The following MTSS1 variants were observed in gnomAD, a reference collection of about 807,000 sequenced individuals.
The protein encoded by MTSS1 is protein MTSS 1.
A neutral mutation model predicts 79.0 loss-of-function variants in MTSS1; 18 were observed. The observed-to-expected ratio is 0.23, with a 90% CI of 0.16 to 0.34. The LOEUF (loss-of-function observed/expected upper bound fraction) is 0.34. Ranked by LOEUF, MTSS1 falls within the 10% of genes least tolerant of loss-of-function variation. The probability of loss-of-function intolerance (pLI) is 1.00; values close to 1 mark genes in which losing one functional copy is unlikely to be tolerated. For synonymous variants in MTSS1, 341 were observed against 368.6 expected, an observed-to-expected ratio of 0.93 and a Z score of 0.86; for missense variants, 815 against 986.2, an observed-to-expected ratio of 0.83 and a Z score of 2.33.
intron 6 of MTSS1, chr8:124,577,574 G>T (rs752714085): frequency 1.9e-6 from 1 of 518,994 alleles, no homozygotes; most frequent in Admixed American, 1.9e-5. Context: ...GACATCTATG[G>T]ATTCAGGTCA....
rs754142552 is a variant in MTSS1 at position 124,728,158 on chromosome 8, T to C, written c.-203A>G. ...ACAGTAATTTAAAAAGCCAAACCGC[T>C]CTGTAGGGTATTCGCCTACAAGCAG... On this transcript the variant is annotated 5_prime_UTR_variant, in exon 1 of 14. Transcript: ENST00000518547. The surrounding 1 kb of genome is among the most constrained non-coding windows in gnomAD (Gnocchi z 6.1). 30 of 477,354 alleles carry C rather than the reference T, an allele frequency of 6.3e-5. No homozygotes were observed. The highest frequency in any genetic ancestry group is 1.0e-4 in the Non-Finnish European group (28 of 271,192). 29.6% of individuals were successfully genotyped at this position (477,354 alleles called of 1,614,324 possible). A position where few individuals can be genotyped will look rare whatever the true frequency, so the allele number is the denominator to read the frequency against.
chr8:124,660,772 G>A (rs1821892837), intron 3 of MTSS1, among the ~76,000 whole-genome samples: 1 of 152,190 alleles, frequency 6.6e-6, no homozygotes, highest in Non-Finnish European at 1.5e-5. Context: ...GTGCAGTATG[G>A]AAATGCCCCT....
intron 5 of MTSS1, 60 bp downstream of exon 5, chr8:124,589,560 G>A: frequency 1.4e-6 from 2 of 1,384,500 alleles, no homozygotes; most frequent in Non-Finnish European, 1.0e-6. Flanking sequence ...GGCAGCAGCT[G>A]GCAACTTCCC....
chr8:124,596,387 T>C (rs1832767481), intron 3 of MTSS1, among the ~76,000 whole-genome samples: 1 of 152,204 alleles, frequency 6.6e-6, no homozygotes, highest in African/African-American at 2.4e-5. Flanking sequence ...ACGTGGTACA[T>C]GTAAAAACTT....
intron 3 of MTSS1, among the ~76,000 whole-genome samples, chr8:124,616,841 A>G (rs1563868026): frequency 6.6e-6 from 1 of 152,238 alleles, no homozygotes; most frequent in Non-Finnish European, 1.5e-5. Context: ...TAAGGAGGCA[A>G]CTGAGTTGCT....
intron 3 of MTSS1, among the ~76,000 whole-genome samples, chr8:124,692,762 G>C (rs1175481231): frequency 6.6e-6 from 1 of 152,122 alleles, no homozygotes; most frequent in Non-Finnish European, 1.5e-5. Context: ...ACAGCCCCTT[G>C]CTCGAGAACT....
At chr8:124,622,389 A>G (rs1191316700) in intron 3 of MTSS1, among the ~76,000 whole-genome samples, 2 of 151,598 alleles carry the variant, frequency 1.3e-5, no homozygotes, top group Non-Finnish European at 2.9e-5. Flanking sequence ...TGCATCGCCC[A>G]GAGACCTAAT....
chr8:124,565,652 C>T lies in MTSS1; in HGVS notation c.824+10G>A. On this transcript the variant is annotated intron_variant, in intron 9 of 13. Coordinates refer to ENST00000518547, the MANE Select transcript of MTSS1 (RefSeq NM_014751.6). ...TCCTGAAAGCAAGAGTGGACCCCGG[C>T]TTCACTCACCTGCAGACACTGGACT... is the stretch of plus-strand genomic sequence containing the variant. 1 of 1,610,694 alleles carries T rather than the reference C, an allele frequency of 6.2e-7. No individual in the cohort carries two copies. The highest frequency in any genetic ancestry group is 1.1e-5 in the South Asian group (1 of 91,026).
At chr8:124,666,163 T>C (rs1199045752) in intron 3 of MTSS1, among the ~76,000 whole-genome samples, 1 of 152,220 alleles carries the variant, frequency 6.6e-6, no homozygotes, top group Non-Finnish European at 1.5e-5. Flanking sequence ...CTGATCTCCC[T>C]GGGGTGGGGA....
intron 3 of MTSS1, among the ~76,000 whole-genome samples, chr8:124,596,858 G>C (rs1832851921): frequency 6.6e-6 from 1 of 152,108 alleles, no homozygotes; most frequent in African/African-American, 2.4e-5. Context: ...CTTCCCATAA[G>C]ACACGTGTGA....
At chr8:124,557,576 T>TGAAAG in intron 11 of MTSS1, 105 bp downstream of exon 11, 2 of 1,159,282 alleles carry the variant, frequency 1.7e-6, no homozygotes, top group Non-Finnish European at 2.4e-6. Flanking sequence ...AGGCAGAGTG[T>TGAAAG]GAAAGGAAGG....
chr8:124,552,039 CCTG>C lies in MTSS1; in HGVS notation c.*950_*952del, dbSNP rs1251103702. ...GGCATTTACTATAATCTAAGAATTC[CCTG>C]CTATTATCATTTTTAAATGTTTTCA... On this transcript the variant is annotated 3_prime_UTR_variant, in exon 14 of 14. Coordinates refer to ENST00000518547, the MANE Select transcript of MTSS1 (RefSeq NM_014751.6). 3 of 152,628 alleles carry C rather than the reference CCTG, an allele frequency of 2.0e-5. No homozygotes were observed. The highest frequency in any genetic ancestry group is 4.4e-5 in the Non-Finnish European group (3 of 68,046). The allele number at this position is 152,628 out of a possible 1,614,324, so 9.5% of individuals were successfully genotyped here.
intron 3 of MTSS1, among the ~76,000 whole-genome samples, chr8:124,594,042 G>A (rs545998467): frequency 6.6e-6 from 1 of 152,332 alleles, no homozygotes; most frequent in African/African-American, 2.4e-5. Context: ...GGAGTTCAGG[G>A]ATGGAGAGCT....
At chr8:124,600,652 A>G (rs902965129) in intron 3 of MTSS1, among the ~76,000 whole-genome samples, 2 of 152,234 alleles carry the variant, frequency 1.3e-5, no homozygotes, top group Middle Eastern at 3.2e-3. Context: ...GCATCTGTCC[A>G]TAAGGACACA....
intron 3 of MTSS1, among the ~76,000 whole-genome samples, chr8:124,629,576 G>A (rs1005627550): frequency 4.6e-5 from 7 of 151,430 alleles, no homozygotes; most frequent in Non-Finnish European, 7.4e-5. Context: ...TAGCTATAGC[G>A]GTACCTAACT....
chr8:124,588,018 A>G (rs1831175252), intron 5 of MTSS1, among the ~76,000 whole-genome samples: 1 of 152,224 alleles, frequency 6.6e-6, no homozygotes, highest in African/African-American at 2.4e-5. Context: ...ACCAAAAACC[A>G]AGACCAACTT....
At chr8:124,671,952 C>A (rs1469423393) in intron 3 of MTSS1, among the ~76,000 whole-genome samples, 1 of 152,146 alleles carries the variant, frequency 6.6e-6, no homozygotes, top group Non-Finnish European at 1.5e-5. Context: ...CCAACCAATG[C>A]AACTCACAAA....
At chr8:124,579,424 G>A (rs1459558752) in intron 6 of MTSS1, among the ~76,000 whole-genome samples, 1 of 152,194 alleles carries the variant, frequency 6.6e-6, no homozygotes, top group Non-Finnish European at 1.5e-5. Context: ...TGAAAATGTT[G>A]TGAAATTAGA....
chr8:124,566,827 T>C (rs1193898539), intron 8 of MTSS1, among the ~76,000 whole-genome samples: 2 of 152,160 alleles, frequency 1.3e-5, no homozygotes, highest in Non-Finnish European at 2.9e-5. Context: ...TCATTCTCTA[T>C]AAAACAAGCA....
Sources: gnomAD v4.1 joint callset for allele counts (sites outside exome capture counted in the v4.1 genomes callset) on GRCh38, gnomAD v4.1.1 for gene constraint, Gnocchi (gnomAD v3.1) non-coding constraint, MANE v1.5 for transcripts, NCBI Gene and HGNC (gene_info 2026-07-23, HGNC 2026-07-21) for gene names.